The following PMFBP1 variants were observed in gnomAD, a reference collection of about 807,000 sequenced individuals.
PMFBP1 encodes polyamine modulated factor 1 binding protein 1.
Under a neutral mutation model 137.8 loss-of-function variants are expected in PMFBP1, and 131 were observed. The ratio of observed to expected loss-of-function variants is 0.95; its 90% confidence interval spans 0.82 to 1.10. PMFBP1 has a LOEUF of 1.10. Ranked by LOEUF, PMFBP1 falls within the 50% of genes least tolerant of loss-of-function variation. The pLI, the probability that PMFBP1 is intolerant of heterozygous loss-of-function variation, is 0.00. For missense variants in PMFBP1, 1,199 were observed against 1,175.4 expected, an observed-to-expected ratio of 1.02 and a Z score of -0.29; for synonymous variants, 490 against 450.4, an observed-to-expected ratio of 1.09 and a Z score of -1.11.
chr16:72,220,752 G>A, the PMFBP1 span, among the ~76,000 whole-genome samples: 1 of 152,222 alleles, frequency 6.6e-6, no homozygotes, highest in Non-Finnish European at 1.5e-5. Context: ...GCAGTCCTGT[G>A]GATCTGGTGC....
At chr16:72,224,865 G>A in the PMFBP1 span, 1 of 152,204 alleles carries the variant, frequency 6.6e-6, no homozygotes, top group African/African-American at 2.4e-5. Context: ...GATCCCTAAA[G>A]ATATGAACAA....
chr16:72,210,580 C>T, the PMFBP1 span, among the ~76,000 whole-genome samples: 1 of 150,662 alleles, frequency 6.6e-6, no homozygotes. Flanking sequence ...GGAACCCCCT[C>T]CTGCTTTAAT....
the PMFBP1 span, among the ~76,000 whole-genome samples, chr16:72,203,096 A>G: frequency 2.0e-5 from 3 of 152,224 alleles, no homozygotes; most frequent in African/African-American, 7.2e-5. Context: ...TTCTTTGCAA[A>G]AAGCTAGGAA....
the PMFBP1 span, among the ~76,000 whole-genome samples, chr16:72,194,115 G>A: frequency 6.6e-6 from 1 of 151,726 alleles, no homozygotes; most frequent in East Asian, 1.9e-4. Context: ...TTAAGGTTGG[G>A]GAATGTGCAT....
chr16:72,249,144 G>T, the PMFBP1 span, among the ~76,000 whole-genome samples: 2 of 152,160 alleles, frequency 1.3e-5, no homozygotes, highest in South Asian at 4.2e-4. Flanking sequence ...TATTAAGAAG[G>T]ATTAGATATG....
chr16:72,198,860 G>A, the PMFBP1 span, among the ~76,000 whole-genome samples: 24 of 149,458 alleles, frequency 1.6e-4, no homozygotes, highest in Non-Finnish European at 1.9e-4. Context: ...AGGAGGTACG[G>A]CCGCCGATCA....
At chr16:72,145,265 C>T (rs1229330485) in intron 5 of PMFBP1, among the ~76,000 whole-genome samples, 1 of 152,156 alleles carries the variant, frequency 6.6e-6, no homozygotes, top group African/African-American at 2.4e-5. Context: ...ACTGAACAAC[C>T]TGCTCCTGAA....
chr16:72,152,518 C>G (rs1322601975), intron 4 of PMFBP1, among the ~76,000 whole-genome samples: 2 of 152,066 alleles, frequency 1.3e-5, no homozygotes, highest in African/African-American at 4.8e-5. Flanking sequence ...ACCCTTGTCA[C>G]CTGGTCCTCT....
chr16:72,145,690 AG>A (rs2042794940), intron 5 of PMFBP1, among the ~76,000 whole-genome samples: 1 of 152,228 alleles, frequency 6.6e-6, no homozygotes, highest in South Asian at 2.1e-4. Context: ...AAAAATGATA[AG>A]GGGGACATCA....
intron 19 of PMFBP1, among the ~76,000 whole-genome samples, chr16:72,121,156 G>A (rs1236452312): frequency 2.0e-5 from 3 of 152,144 alleles, no homozygotes; most frequent in Non-Finnish European, 4.4e-5. Context: ...AAAAAGTTTC[G>A]TGGTCTTTTC....
intron 5 of PMFBP1, among the ~76,000 whole-genome samples, chr16:72,144,643 A>G (rs2042777652): frequency 6.6e-6 from 1 of 152,202 alleles, no homozygotes. Flanking sequence ...AAACATAAAA[A>G]TGCAAAATTA....
At chr16:72,138,643 G>C (rs1261063206) in intron 7 of PMFBP1, among the ~76,000 whole-genome samples, 3 of 152,216 alleles carry the variant, frequency 2.0e-5, no homozygotes, top group African/African-American at 7.2e-5. Flanking sequence ...AGCCTCCTTA[G>C]TAGCTGGGAC....
chr16:72,118,012 TA>T (rs1248739153), downstream of PMFBP1, among the ~76,000 whole-genome samples: 2 of 152,216 alleles, frequency 1.3e-5, no homozygotes, highest in Non-Finnish European at 2.9e-5. Context: ...TGCTCTGGTG[TA>T]ATCACTCCAC....
chr16:72,130,827 A>G, intron 10 of PMFBP1, 105 bp from the exon 11 acceptor site: 1 of 1,032,716 alleles, frequency 9.7e-7, no homozygotes, highest in Non-Finnish European at 1.4e-6. Flanking sequence ...GCCCTACTTC[A>G]GTTCCCAGTC....
the PMFBP1 span, among the ~76,000 whole-genome samples, chr16:72,242,658 C>T: frequency 3.3e-5 from 5 of 152,236 alleles, no homozygotes; most frequent in East Asian, 3.9e-4. Context: ...CGAACTAGAA[C>T]GTTCATTTTC....
Position 72,154,337 on chromosome 16 carries a change from T to C in PMFBP1, c.288A>G (p.Glu96=), listed in dbSNP as rs1597483250. 5.6e-6 allele frequency: 9 copies of C among 1,614,148 alleles called. No homozygotes were observed. The highest frequency in any genetic ancestry group is 7.6e-6 in the Non-Finnish European group (9 of 1,180,014). ...GCAACTCCTCTGTGTGAAACTCCAG[T>C]TCTTGTTGAAGGACCAGCAATTTTT... ...LKKKLLVLQQ[E]LEFHTEELQT... The change falls in exon 4 of 21, where the codon GAA becomes GAG. Residue 96 remains glutamate (E), a synonymous_variant. Coordinates refer to ENST00000237353, the MANE Select transcript of PMFBP1 (RefSeq NM_031293.3).
chr16:72,218,930 A>T, the PMFBP1 span, among the ~76,000 whole-genome samples: 2 of 152,152 alleles, frequency 1.3e-5, no homozygotes, highest in African/African-American at 4.8e-5. Flanking sequence ...AAAAATGTGT[A>T]AAACATGAGG....
At chr16:72,195,276 C>T in the PMFBP1 span, among the ~76,000 whole-genome samples, 68 of 152,262 alleles carry the variant, frequency 4.5e-4, no homozygotes, top group African/African-American at 1.4e-3. Context: ...TTCTCTGAGC[C>T]GCACTGCAGT....
At chr16:72,223,012 A>G in the PMFBP1 span, among the ~76,000 whole-genome samples, 15,773 of 152,162 alleles carry the variant, frequency 0.1, 851 homozygotes, top group African/African-American at 0.14. Flanking sequence ...TATTAATAAA[A>G]GGCTAGCCAG....
Sources: gnomAD v4.1 joint callset for allele counts (sites outside exome capture counted in the v4.1 genomes callset) on GRCh38, gnomAD v4.1.1 for gene constraint, MANE v1.5 for transcripts, NCBI Gene and HGNC (gene_info 2026-07-23, HGNC 2026-07-21) for gene names.